MGLL: variants seen among roughly 807,000 people sequenced by gnomAD.
MGLL encodes the protein monoglyceride lipase, also known as lysophospholipase homolog.
Under a neutral mutation model 29.1 loss-of-function variants are expected in MGLL, and 7 were observed. The ratio of observed to expected loss-of-function variants is 0.24; its 90% confidence interval spans 0.14 to 0.45. MGLL has a LOEUF of 0.45. MGLL is among the 20% of genes least tolerant of loss of function. The pLI is 0.99. For synonymous variants in MGLL, 148 were observed against 168.3 expected (o/e 0.88, Z 0.93); for missense variants, 356 against 413.6 (o/e 0.86, Z 1.21).
chr3:127,696,891 T>G (rs1210538584), intron 6 of MGLL, among the ~76,000 whole-genome samples: 4 of 152,140 alleles, frequency 2.6e-5, no homozygotes, highest in Non-Finnish European at 5.9e-5. Flanking sequence ...ACTCAGCATT[T>G]CCAAGAACTG....
chr3:127,728,627 G>A (rs980411270), intron 3 of MGLL, among the ~76,000 whole-genome samples: 1 of 152,082 alleles, frequency 6.6e-6, no homozygotes, highest in Non-Finnish European at 1.5e-5. Context: ...CTCTCTCATC[G>A]CAAAACACTT....
intron 3 of MGLL, among the ~76,000 whole-genome samples, chr3:127,780,507 T>C (rs1324302100): frequency 1.3e-5 from 2 of 152,220 alleles, no homozygotes; most frequent in East Asian, 3.8e-4. Context: ...TCAAACAGTC[T>C]CACAAATATT....
intron 3 of MGLL, among the ~76,000 whole-genome samples, chr3:127,742,518 A>G (rs1576534586): frequency 2.1e-5 from 3 of 142,468 alleles, no homozygotes; most frequent in Middle Eastern, 4.0e-3. Context: ...TGAGCCCAAG[A>G]GGCAGAGATT....
chr3:127,812,205 T>G, intron 2 of MGLL, among the ~76,000 whole-genome samples: 1 of 152,248 alleles, frequency 6.6e-6, no homozygotes, highest in East Asian at 1.9e-4. Flanking sequence ...CCAGCTATAA[T>G]AGCTAAGGGT....
chr3:127,717,163 C>T (rs979091945), intron 5 of MGLL, among the ~76,000 whole-genome samples: 1 of 152,212 alleles, frequency 6.6e-6, no homozygotes, highest in South Asian at 2.1e-4. Flanking sequence ...GGCTAAGTTC[C>T]GGGATCCTGG....
chr3:127,767,623 G>A (rs2076881261), intron 3 of MGLL, among the ~76,000 whole-genome samples: 1 of 152,162 alleles, frequency 6.6e-6, no homozygotes, highest in South Asian at 2.1e-4. Flanking sequence ...CAGAGCCCTG[G>A]GGCACTCTGT....
chr3:127,817,012 G>A (rs146612417), intron 2 of MGLL, among the ~76,000 whole-genome samples: 25 of 152,352 alleles, frequency 1.6e-4, no homozygotes, highest in African/African-American at 4.6e-4. Flanking sequence ...CCCTGGCCCC[G>A]AGGCAGCTCA....
Position 127,691,002 on chromosome 3 carries a change from G to A in MGLL, c.*1196C>T, listed in dbSNP as rs2075231496. On this transcript the variant is annotated 3_prime_UTR_variant, in exon 8 of 8. Transcript: ENST00000265052. Reference sequence around the variant, plus strand: ...GAGTGCTCCATGCAGACCTGGACAGGAAGGCCTGGCCTGCTGCTGTGCTGG... The same window carrying A: ...GAGTGCTCCATGCAGACCTGGACAGAAAGGCCTGGCCTGCTGCTGTGCTGG... The A allele has an allele frequency of 6.5e-6, 1 of 152,982 alleles. No homozygotes were observed. The highest frequency in any genetic ancestry group is 6.5e-5 in the Admixed American group (1 of 15,290). 9.5% of individuals were successfully genotyped at this position (152,982 alleles called of 1,614,324 possible). A position where few individuals can be genotyped will look rare whatever the true frequency, so the allele number is the denominator to read the frequency against.
At chr3:127,694,485 G>C (rs2075318360) in intron 7 of MGLL, among the ~76,000 whole-genome samples, 2 of 151,934 alleles carry the variant, frequency 1.3e-5, no homozygotes, top group South Asian at 2.1e-4. Context: ...CCTGTCCTCA[G>C]GGCCCCTGTC....
chr3:127,762,161 C>T (rs144486375), intron 3 of MGLL, among the ~76,000 whole-genome samples: 60 of 152,342 alleles, frequency 3.9e-4, no homozygotes, highest in African/African-American at 1.2e-3. Flanking sequence ...ATTGCTTCCA[C>T]GTTAGTGACA....
intron 3 of MGLL, among the ~76,000 whole-genome samples, chr3:127,759,242 C>T (rs1371755926): frequency 6.6e-6 from 1 of 152,168 alleles, no homozygotes; most frequent in Non-Finnish European, 1.5e-5. Context: ...CTATTTCTCA[C>T]AGCGTCCATT....
At chr3:127,758,059 T>G (rs913428612) in intron 3 of MGLL, among the ~76,000 whole-genome samples, 1 of 152,164 alleles carries the variant, frequency 6.6e-6, no homozygotes, top group Non-Finnish European at 1.5e-5. Context: ...AGTGCTCTCC[T>G]CTCACCTCAC....
chr3:127,703,111 G>T (rs1193952013), intron 6 of MGLL, among the ~76,000 whole-genome samples: 1 of 152,206 alleles, frequency 6.6e-6, no homozygotes, highest in Non-Finnish European at 1.5e-5. Context: ...CCTCCCCCAG[G>T]ATTCCTTCTG....
At chr3:127,755,262 G>A (rs561044869) in intron 3 of MGLL, among the ~76,000 whole-genome samples, 14 of 152,310 alleles carry the variant, frequency 9.2e-5, no homozygotes, top group South Asian at 2.1e-4. Flanking sequence ...AACTGTTCAC[G>A]TGAGCTAGAC....
At chr3:127,807,995 C>T (rs1330361743) in intron 2 of MGLL, among the ~76,000 whole-genome samples, 3 of 151,872 alleles carry the variant, frequency 2.0e-5, no homozygotes, top group South Asian at 4.2e-4. Context: ...CTCCTGACCT[C>T]GTGATCCACC....
intron 6 of MGLL, among the ~76,000 whole-genome samples, chr3:127,706,088 G>T (rs2107599530): frequency 6.6e-6 from 1 of 152,258 alleles, no homozygotes; most frequent in Non-Finnish European, 1.5e-5. Flanking sequence ...CCACTTCTGG[G>T]TACATACATA....
chr3:127,715,874 A>G (rs2075804767), intron 5 of MGLL: 1 of 454,562 alleles, frequency 2.2e-6, no homozygotes, highest in African/African-American at 2.0e-5. Flanking sequence ...GTGGAATCCA[A>G]AACTTTAACA....
chr3:127,783,188 G>A (rs1429175608), intron 2 of MGLL, among the ~76,000 whole-genome samples: 3 of 142,926 alleles, frequency 2.1e-5, no homozygotes, highest in African/African-American at 5.1e-5. Flanking sequence ...TAAGTTGTCC[G>A]AGCCACATGG....
intron 3 of MGLL, among the ~76,000 whole-genome samples, chr3:127,774,658 A>G (rs75420160): frequency 0.015 from 2,208 of 152,256 alleles, 48 homozygotes; most frequent in African/African-American, 0.05. Flanking sequence ...CGTGTCTAAT[A>G]GATGCCTGGC....
Sources: allele counts gnomAD v4.1 joint callset (sites outside exome capture counted in the v4.1 genomes callset), GRCh38; gene constraint gnomAD v4.1.1; transcripts MANE v1.5; gene names NCBI Gene and HGNC (gene_info 2026-07-23, HGNC 2026-07-21).